GCG: variants seen among roughly 807,000 people sequenced by gnomAD.
GCG encodes the protein pro-glucagon.
In GCG, 11 loss-of-function variants were observed where a neutral mutation model predicts 22.8. The observed-to-expected ratio is 0.48, with a 90% CI of 0.30 to 0.80. The LOEUF is 0.80. Among genes scored for constraint, GCG ranks in the 30% least tolerant of loss-of-function variants. The pLI is 0.06. For synonymous variants in GCG, 89 were observed against 72.4 expected, an observed-to-expected ratio of 1.23 and a Z score of -1.16; for missense variants, 222 against 222.0, an observed-to-expected ratio of 1.00 and a Z score of 0.00.
intron 2 of GCG, 133 bp downstream of exon 2, chr2:162,148,954 G>A: frequency 1.7e-6 from 1 of 600,030 alleles, no homozygotes; most frequent in Non-Finnish European, 2.9e-6. Context: ...TTTATCACAA[G>A]GATACTTTAA....
intron 2 of GCG, 61 bp downstream of exon 2, chr2:162,149,026 G>A (rs1686765836): frequency 1.0e-6 from 1 of 985,930 alleles, no homozygotes; most frequent in Non-Finnish European, 1.6e-6. Context: ...ACTAATCATA[G>A]TTTTCACAGG....
Position 162,148,902 on chromosome 2 carries a change from T to G in GCG, c.92+185A>C, listed in dbSNP as rs1047052449. On this transcript the variant is annotated intron_variant, in intron 2 of 5. Coordinates refer to ENST00000418842, the MANE Select transcript of GCG (RefSeq NM_002054.5). ...TCAACATTTCTCTCCCCTTTTATTA[T>G]AAAAAACACAAACTCTGATCTACAC... Among the ~76,000 whole-genome samples the G allele has an allele frequency of 2.2e-5, 3 of 139,464 alleles. No homozygotes were observed. In the East Asian group the frequency reaches 6.3e-4, roughly 29 times the overall value. 91.5% of individuals were successfully genotyped at this position (139,464 alleles called of 152,430 possible).
chr2:162,144,179 A>G lies in GCG; in HGVS notation c.393-9T>C, dbSNP rs1674133347. 4 of 1,604,910 alleles carry G rather than the reference A, an allele frequency of 2.5e-6. No homozygotes were observed. Among genetic ancestry groups the G allele is most frequent in the African/African-American group, 2.7e-5 (2 of 74,858 alleles). On this transcript the variant is annotated splice_polypyrimidine_tract_variant and intron_variant, in intron 4 of 5. Transcript: ENST00000418842. ...CGACCTCTTCTGGGAAACTAAGAAA[A>G]TAAGTGTTAAAATTAGCGTTTGATT...
intron 5 of GCG, 123 bp downstream of exon 5, chr2:162,143,904 A>AG: frequency 1.3e-6 from 1 of 769,374 alleles, no homozygotes; most frequent in South Asian, 1.5e-5. Context: ...AACATGCATA[A>AG]TTATTTCCTA....
intron 2 of GCG, 75 bp from the exon 3 acceptor site, chr2:162,147,589 A>C (rs1686722503): frequency 3.2e-6 from 4 of 1,255,764 alleles, no homozygotes; most frequent in Non-Finnish European, 4.7e-6. Context: ...TCTTCACTAC[A>C]AAATACAAGA....
At position 162,143,016 on chromosome 2, in the gene GCG, T is replaced by G. The variant is rs1487132400; in HGVS notation, c.*348A>C. ...ACCAGTTCTTCTATTCTCCTATTAT[T>G]ATAATGCAGATATGTCAGATCGGAA... On this transcript the variant is annotated 3_prime_UTR_variant, in exon 6 of 6. Coordinates refer to ENST00000418842, the MANE Select transcript of GCG (RefSeq NM_002054.5). 5.5e-6 allele frequency: 1 copy of G among 182,114 alleles called. No homozygotes were observed. The highest frequency in any genetic ancestry group is 1.4e-4 in the East Asian group (1 of 7,396). 11.3% of individuals were successfully genotyped at this position (182,114 alleles called of 1,614,324 possible).
intron 4 of GCG, chr2:162,145,162 A>G (rs900856681): frequency 6.3e-6 from 1 of 158,646 alleles, no homozygotes; most frequent in African/African-American, 2.4e-5. Context: ...ACATATTTGA[A>G]GTTTTCAGCA....
chr2:162,145,353 A>G, intron 4 of GCG, 187 bp downstream of exon 4: 1 of 501,568 alleles, frequency 2.0e-6, no homozygotes, highest in Non-Finnish European at 3.4e-6. Flanking sequence ...TGGCTCTATT[A>G]TTAATACTTA....
Position 162,147,422 on chromosome 2 carries a change from T to A in GCG, c.185A>T (p.Tyr62Phe). The A allele has an allele frequency of 2.5e-6, 4 of 1,612,588 alleles. No individual in the cohort carries two copies. Among genetic ancestry groups the A allele is most frequent in the Non-Finnish European group, 2.5e-6 (3 of 1,178,708 alleles). Residue 62 changes from tyrosine (Y) to phenylalanine (F), a missense_variant, in exon 3 of 6, where the codon TAC (tyrosine) becomes TTC (phenylalanine). Coordinates refer to ENST00000418842, the MANE Select transcript of GCG (RefSeq NM_002054.5). ...RHSQGTFTSD[Y>F]SKYLDSRRAQ... Reference sequence around the variant, plus strand: ...ACGCCTGGAGTCCAGATACTTGCTGTAGTCACTGGTGAATGTGCCCTGTGA... The same window carrying A: ...ACGCCTGGAGTCCAGATACTTGCTGAAGTCACTGGTGAATGTGCCCTGTGA...
At chr2:162,149,232 G>A in intron 1 of GCG, 45 bp from the exon 2 acceptor site, 1 of 1,085,192 alleles carries the variant, frequency 9.2e-7, no homozygotes, top group Non-Finnish European at 1.4e-6. Context: ...GGCAGGCAAG[G>A]ATTTTTAAAC....
chr2:162,145,880 G>A (rs990319308), intron 3 of GCG, among the ~76,000 whole-genome samples: 49 of 152,038 alleles, frequency 3.2e-4, no homozygotes, highest in African/African-American at 1.2e-3. Context: ...ATAACAATCG[G>A]TGGGCTAAAG....
intron 2 of GCG, 96 bp from the exon 3 acceptor site, chr2:162,147,610 C>T: frequency 9.7e-7 from 1 of 1,029,562 alleles, no homozygotes; most frequent in South Asian, 1.3e-5. Context: ...CCATATAAAA[C>T]AGTAAGGCAG....
intron 3 of GCG, among the ~76,000 whole-genome samples, chr2:162,146,556 CT>C (rs1686690023): frequency 1.3e-5 from 2 of 150,686 alleles, no homozygotes; most frequent in Non-Finnish European, 2.9e-5. Context: ...CTCTCTCTCT[CT>C]CTCTCTCTCT....
chr2:162,147,030 T>C (rs950378494), intron 3 of GCG, among the ~76,000 whole-genome samples: 2 of 152,124 alleles, frequency 1.3e-5, no homozygotes, highest in African/African-American at 2.4e-5. Context: ...AGAAATTAGA[T>C]TGGTAACCTC....
chr2:162,144,222 G>A (rs1487991534), intron 4 of GCG, 52 bp from the exon 5 acceptor site: 11 of 1,377,398 alleles, frequency 8.0e-6, no homozygotes, highest in South Asian at 1.2e-5. Flanking sequence ...TTCAATAAAT[G>A]ATCACAGATT....
In GCG at chr2:162,144,148, C is replaced by A. The variant is rs758708200; in HGVS notation, c.415G>T (p.Val139Phe). The A allele has an allele frequency of 1.9e-6, 3 of 1,611,736 alleles. No homozygotes were observed. Among genetic ancestry groups the A allele is most frequent in the Non-Finnish European group, 2.5e-6 (3 of 1,177,964 alleles). The change falls in exon 5 of 6, where the codon GTT becomes TTT. Residue 139 changes from valine (V) to phenylalanine (F), a missense_variant. By Grantham distance (50) the Val-to-Phe change is conservative. Coordinates refer to ENST00000418842, the MANE Select transcript of GCG (RefSeq NM_002054.5). Reference sequence around the variant, plus strand: ...GCATGTCTGCGGCCAAGTTCTTCAACAATGGCGACCTCTTCTGGGAAACTA... The same window carrying A: ...GCATGTCTGCGGCCAAGTTCTTCAAAAATGGCGACCTCTTCTGGGAAACTA... The part of the protein sequence containing the change: ...RRDFPEEVAI[V>F]EELGRRHADG...
intron 1 of GCG, 81 bp from the exon 2 acceptor site, chr2:162,149,268 G>T: frequency 1.7e-5 from 13 of 750,388 alleles, no homozygotes; most frequent in Non-Finnish European, 2.6e-5. Flanking sequence ...AATTAGATTT[G>T]ACTAGATAAA....
intron 3 of GCG, among the ~76,000 whole-genome samples, chr2:162,146,293 C>A (rs186928993): frequency 6.4e-4 from 98 of 152,264 alleles, no homozygotes; most frequent in Admixed American, 8.5e-4. Flanking sequence ...ACATAGGCAA[C>A]ACTGCTTGAG....
intron 2 of GCG, among the ~76,000 whole-genome samples, chr2:162,148,210 A>G (rs189608744): frequency 1.8e-4 from 27 of 152,120 alleles, no homozygotes; most frequent in African/African-American, 5.3e-4. Context: ...GAGAGTGTGC[A>G]TGTGTATGAA....
Sources: gnomAD v4.1 joint callset for allele counts (sites outside exome capture counted in the v4.1 genomes callset) on GRCh38, gnomAD v4.1.1 for gene constraint, MANE v1.5 for transcripts, NCBI Gene and HGNC (gene_info 2026-07-23, HGNC 2026-07-21) for gene names.